Variants in TNR observed in about 807,000 individuals in gnomAD.
TNR encodes tenascin R.
TNR carries 45 observed loss-of-function variants against 150.4 expected under a neutral mutation model. The observed-to-expected ratio is 0.30, with a 90% CI of 0.24 to 0.38. The LOEUF (loss-of-function observed/expected upper bound fraction) is 0.38, where lower values mean the gene tolerates loss of function less well. Among genes scored for constraint, TNR ranks in the 10% least tolerant of loss-of-function variants. The probability of loss-of-function intolerance (pLI) is 1.00; values close to 1 mark genes in which losing one functional copy is unlikely to be tolerated. For missense variants in TNR, 1,544 were observed against 1,759.1 expected (o/e 0.88, Z 2.19); for synonymous variants, 687 against 678.4 (o/e 1.01, Z -0.20).
At chr1:175,457,377 C>A (rs969447688) in intron 2 of TNR, among the ~76,000 whole-genome samples, 1 of 152,238 alleles carries the variant, frequency 6.6e-6, no homozygotes, top group Non-Finnish European at 1.5e-5. Context: ...AGGCTACAGC[C>A]ATCAGGCCAC....
chr1:175,403,745 C>T (rs566542953), intron 3 of TNR, 129 bp from the exon 4 acceptor site: 33 of 769,538 alleles, frequency 4.3e-5, no homozygotes, highest in Middle Eastern at 3.5e-4. Flanking sequence ...TGAAGCTCAA[C>T]GTAGTTTGGT....
At chr1:175,526,160 G>T (rs1659841890) in intron 2 of TNR, among the ~76,000 whole-genome samples, 1 of 152,096 alleles carries the variant, frequency 6.6e-6, no homozygotes, top group South Asian at 2.1e-4. Flanking sequence ...GTTACAGAGG[G>T]TGCTGAACAT....
chr1:175,365,740 A>T, intron 11 of TNR, 135 bp downstream of exon 11: 2 of 1,320,174 alleles, frequency 1.5e-6, no homozygotes, highest in South Asian at 1.5e-5. Context: ...ATTAGTTTTT[A>T]CTCTATCCTT....
Position 175,520,229 on chromosome 1 carries a change from T to C in TNR, c.-64+8040A>G, listed in dbSNP as rs1332348515. Among the ~76,000 whole-genome samples, 4 of 152,150 alleles carry C rather than the reference T, an allele frequency of 2.6e-5. No individual in the cohort carries two copies. The East Asian group carries it at 7.7e-4, about 29-fold the overall frequency. The stretch of plus-strand genomic sequence containing the variant: ...GAGCTCTAAAGTCCTAGGCTGAACA[T>C]TTGATGGGTCTGTGATTCTGGTATC... On this transcript the variant is annotated intron_variant, in intron 2 of 22. Coordinates refer to ENST00000367674, the MANE Select transcript of TNR (RefSeq NM_003285.3).
At chr1:175,678,064 T>G (rs764930243) in intron 1 of TNR, among the ~76,000 whole-genome samples, 3 of 152,128 alleles carry the variant, frequency 2.0e-5, no homozygotes, top group Admixed American at 6.5e-5. Context: ...ATTATAAGAC[T>G]TAAGAGTTTG....
At chr1:175,653,654 T>C (rs1665071540) in intron 1 of TNR, among the ~76,000 whole-genome samples, 1 of 152,188 alleles carries the variant, frequency 6.6e-6, no homozygotes, top group Admixed American at 6.5e-5. Flanking sequence ...CTTGAGTTTA[T>C]AGGAAAGAAA....
intron 13 of TNR, 37 bp from the exon 14 acceptor site, chr1:175,362,846 G>T: frequency 6.2e-7 from 1 of 1,612,342 alleles, no homozygotes; most frequent in African/African-American, 1.3e-5. Context: ...AAATTCAGCA[G>T]CCCTTTCATC....
intron 2 of TNR, among the ~76,000 whole-genome samples, chr1:175,470,177 G>A (rs1016809808): frequency 1.3e-5 from 2 of 152,140 alleles, no homozygotes; most frequent in Non-Finnish European, 2.9e-5. Context: ...GCTGATATGT[G>A]GATCTGGAGC....
chr1:175,674,372 A>G (rs1372660046), intron 1 of TNR, among the ~76,000 whole-genome samples: 1 of 152,100 alleles, frequency 6.6e-6, no homozygotes, highest in Non-Finnish European at 1.5e-5. Flanking sequence ...GTGGAGCTGG[A>G]CCCCTGGAAA....
Position 175,365,171 on chromosome 1 carries a change from C to T in TNR, c.2426G>A (p.Ser809Asn). The T allele has an allele frequency of 9.3e-6, 15 of 1,614,128 alleles. No individual in the cohort carries two copies. The highest frequency in any genetic ancestry group is 1.3e-5 in the Non-Finnish European group (15 of 1,180,006). Reference protein sequence around the residue: ...PPADRLILNYSPRDEEEEMME... With the variant: ...PPADRLILNYNPRDEEEEMME... ...CATCTCTTCCTCCTCATCCCTGGGG[C>T]TGTAGTTAAGAATGAGTCTGTCTGC... The change falls in exon 12 of 23, where the codon AGC (serine) becomes AAC (asparagine). Residue 809 changes from serine to asparagine, a missense_variant. Around this residue, in one of 2 missense-constraint regions of TNR, gnomAD observed 1,254 missense variants for 1,329.4 expected, o/e 0.94. Transcript: ENST00000367674.
intron 1 of TNR, among the ~76,000 whole-genome samples, chr1:175,629,392 C>T (rs1664255623): frequency 6.6e-6 from 1 of 152,150 alleles, no homozygotes; most frequent in Non-Finnish European, 1.5e-5. Context: ...AGACAAGCAG[C>T]TCATGAACAT....
chr1:175,334,103 A>C (rs1011859831), intron 20 of TNR, among the ~76,000 whole-genome samples: 2 of 152,184 alleles, frequency 1.3e-5, no homozygotes, highest in Non-Finnish European at 2.9e-5. Flanking sequence ...AAAGTTTTAC[A>C]AAGGGGATTA....
At chr1:175,391,109 T>C (rs1196244800) in intron 7 of TNR, among the ~76,000 whole-genome samples, 179 bp downstream of exon 7, 1 of 152,218 alleles carries the variant, frequency 6.6e-6, no homozygotes, top group Non-Finnish European at 1.5e-5. Context: ...GGATGAGTAA[T>C]AGGGAAGATG....
chr1:175,416,748 C>T (rs925738288), intron 2 of TNR, among the ~76,000 whole-genome samples: 1 of 152,138 alleles, frequency 6.6e-6, no homozygotes, highest in South Asian at 2.1e-4. Flanking sequence ...GTGGCTCACG[C>T]CTGTAATCCC....
intron 1 of TNR, among the ~76,000 whole-genome samples, chr1:175,684,053 G>A (rs1274429765): frequency 6.6e-6 from 1 of 152,206 alleles, no homozygotes. Context: ...TATGGACTCT[G>A]ATGCCTGGCT....
chr1:175,521,228 T>A (rs1659625685), intron 2 of TNR, among the ~76,000 whole-genome samples: 1 of 152,160 alleles, frequency 6.6e-6, no homozygotes, highest in Admixed American at 6.5e-5. Flanking sequence ...ACTTTACCAA[T>A]CTCTTCATTT....
At chr1:175,348,886 T>C (rs1650922636) in intron 18 of TNR, among the ~76,000 whole-genome samples, 1 of 152,120 alleles carries the variant, frequency 6.6e-6, no homozygotes, top group African/African-American at 2.4e-5. Flanking sequence ...CAAATAATAA[T>C]AGCTAATATT....
chr1:175,535,810 C>G (rs574910986), intron 1 of TNR, among the ~76,000 whole-genome samples: 74 of 152,186 alleles, frequency 4.9e-4, no homozygotes, highest in Non-Finnish European at 9.3e-4. Flanking sequence ...GGTTCTTATC[C>G]TGGGGTTCAC....
At chr1:175,721,874 C>G (rs573923598) in intron 1 of TNR, among the ~76,000 whole-genome samples, 1 of 147,404 alleles carries the variant, frequency 6.8e-6, no homozygotes, top group Admixed American at 6.7e-5. Context: ...CCTGCCTCCC[C>G]GGTCGGATGT....
Sources: allele counts gnomAD v4.1 joint callset (sites outside exome capture counted in the v4.1 genomes callset), GRCh38; gene constraint gnomAD v4.1.1; regional missense constraint gnomAD v4.1.1; transcripts MANE v1.5; gene names NCBI Gene and HGNC (gene_info 2026-07-23, HGNC 2026-07-21).